The following ENKUR variants were observed in gnomAD, a reference collection of about 807,000 sequenced individuals.
ENKUR encodes the protein enkurin, TRPC channel interacting protein.
Under a neutral mutation model 27.6 loss-of-function variants are expected in ENKUR, and 19 were observed. The observed-to-expected ratio is 0.69, with a 90% confidence interval of 0.48 to 1.01. The LOEUF is 1.01. Ranked by LOEUF, ENKUR falls within the 50% of genes least tolerant of loss-of-function variation. The pLI is 0.00. For missense variants in ENKUR, 312 were observed against 310.5 expected (o/e 1.00, Z -0.04); for synonymous variants, 117 against 96.9 (o/e 1.21, Z -1.22).
chr10:25,040,156 C>T (rs898356180), intron 2 of ENKUR, among the ~76,000 whole-genome samples: 1 of 151,972 alleles, frequency 6.6e-6, no homozygotes, highest in African/African-American at 2.4e-5. Flanking sequence ...TACAAGGCTG[C>T]TTAAGGTATA....
intron 2 of ENKUR, among the ~76,000 whole-genome samples, chr10:25,056,383 T>C (rs1334818595): frequency 2.6e-5 from 4 of 152,200 alleles, no homozygotes; most frequent in Admixed American, 6.5e-5. Flanking sequence ...CAAATTTCTA[T>C]AGAGGGACTA....
chr10:24,988,940 C>T (rs1193866903), intron 4 of ENKUR, among the ~76,000 whole-genome samples: 1 of 151,640 alleles, frequency 6.6e-6, no homozygotes, highest in Admixed American at 6.6e-5. Flanking sequence ...GTTACTATGG[C>T]AGCTCTGCTC....
intron 2 of ENKUR, among the ~76,000 whole-genome samples, chr10:25,060,741 T>G (rs1851317199): frequency 6.6e-6 from 1 of 152,166 alleles, no homozygotes; most frequent in South Asian, 2.1e-4. Flanking sequence ...AGGGTCTTAC[T>G]CTGTTGCCCA....
At chr10:25,018,668 T>G (rs369750411), upstream of ENKUR, among the ~76,000 whole-genome samples, 1,518 of 151,370 alleles carry the variant, frequency 0.01, 22 homozygotes, top group African/African-American at 0.034. Flanking sequence ...TGTTTTTTTT[T>G]TTTTTTTTTT....
intron 2 of ENKUR, among the ~76,000 whole-genome samples, chr10:25,030,710 AT>A (rs1409974469): frequency 6.6e-6 from 1 of 152,130 alleles, no homozygotes; most frequent in African/African-American, 2.4e-5. Context: ...GATAAAACTT[AT>A]TTTTGAATTT....
chr10:25,017,566 G>A (rs4747509), upstream of ENKUR, among the ~76,000 whole-genome samples: 43,715 of 151,236 alleles, frequency 0.29, 6,628 homozygotes, highest in East Asian at 0.5. Context: ...GAATGTGTAG[G>A]TCCTTACTTT....
At chr10:25,060,991 G>A (rs1851319644) in intron 2 of ENKUR, 1 of 908,958 alleles carries the variant, frequency 1.1e-6, no homozygotes, top group Non-Finnish European at 1.7e-6. Context: ...TGGGACTACA[G>A]GCAAGAGCCA....
intron 2 of ENKUR, among the ~76,000 whole-genome samples, chr10:24,998,568 G>A (rs771367371): frequency 2.6e-5 from 4 of 151,480 alleles, no homozygotes; most frequent in African/African-American, 7.3e-5. Flanking sequence ...TTTTTTGTAC[G>A]GACGGGGTCT....
At chr10:25,020,238 A>ATATATC (rs1554772119), upstream of ENKUR, among the ~76,000 whole-genome samples, 23,013 of 126,548 alleles carry the variant, frequency 0.18, 2,031 homozygotes, top group African/African-American at 0.22. Flanking sequence ...TTTCTTTAAA[A>ATATATC]TATATCTATA....
At chr10:25,042,682 A>G (rs2130473531) in intron 2 of ENKUR, among the ~76,000 whole-genome samples, 1 of 152,116 alleles carries the variant, frequency 6.6e-6, no homozygotes, top group African/African-American at 2.4e-5. Context: ...TGACCTGAAA[A>G]CTATACAAAA....
chr10:25,032,588 A>G lies in ENKUR; in HGVS notation c.37+28524T>C, dbSNP rs115069628. ...TTCTATACTCCTTTCCCCCAAACCC[A>G]CCTCCTGGTTCAGAAGTAAATGTTA... is the stretch of plus-strand genomic sequence containing the variant. On this transcript the variant is annotated intron_variant, in intron 2 of 5. Transcript: ENST00000615958. Among the ~76,000 whole-genome samples, 775 of 152,054 alleles carry G rather than the reference A, an allele frequency of 5.1e-3. 5 individuals carry two copies. Among genetic ancestry groups the G allele is most frequent in the African/African-American group, 0.018 (734 of 41,458 alleles).
At chr10:25,035,855 C>T (rs1219826612) in intron 2 of ENKUR, among the ~76,000 whole-genome samples, 1 of 152,176 alleles carries the variant, frequency 6.6e-6, no homozygotes, top group African/African-American at 2.4e-5. Flanking sequence ...CTCTGGACAG[C>T]GTTGAACATA....
intron 2 of ENKUR, among the ~76,000 whole-genome samples, chr10:25,051,565 C>T (rs909120427): frequency 5.3e-5 from 8 of 152,128 alleles, no homozygotes; most frequent in African/African-American, 9.7e-5. Flanking sequence ...AGAGGTGCCA[C>T]GCACTTTTAA....
upstream of ENKUR, among the ~76,000 whole-genome samples, chr10:25,018,102 C>T (rs970514851): frequency 6.6e-6 from 1 of 152,164 alleles, no homozygotes; most frequent in African/African-American, 2.4e-5. Flanking sequence ...TCACTGATGT[C>T]TGTATATTTA....
At chr10:24,985,142 T>A (rs537651464) in intron 4 of ENKUR, among the ~76,000 whole-genome samples, 4 of 152,334 alleles carry the variant, frequency 2.6e-5, no homozygotes, top group Non-Finnish European at 5.9e-5. Flanking sequence ...TTTGCTCTGC[T>A]TTTGTTGTTA....
intron 1 of ENKUR, among the ~76,000 whole-genome samples, chr10:25,010,823 T>C (rs1226243659): frequency 4.4e-4 from 67 of 150,778 alleles, no homozygotes; most frequent in Non-Finnish European, 8.0e-4. Context: ...ATGTGCCACA[T>C]TTTCTTAGTC....
At chr10:25,024,052 T>TGGAAAA in intron 2 of ENKUR, 1 of 1,614,160 alleles carries the variant, frequency 6.2e-7, no homozygotes, top group Non-Finnish European at 8.5e-7. Context: ...AAAATTAAGC[T>TGGAAAA]GCGGGGAGTG....
chr10:25,054,683 ATT>A (rs767687459), intron 2 of ENKUR, among the ~76,000 whole-genome samples: 2 of 136,100 alleles, frequency 1.5e-5, no homozygotes, highest in African/African-American at 2.7e-5. Context: ...TGGGCGATTA[ATT>A]TTTTTTTTTT....
At chr10:25,012,508 C>T (rs1051452378) in intron 1 of ENKUR, among the ~76,000 whole-genome samples, 2 of 152,218 alleles carry the variant, frequency 1.3e-5, no homozygotes, top group Non-Finnish European at 2.9e-5. Flanking sequence ...TAGGATCCCA[C>T]CTCTTGCATC....
Sources: gnomAD v4.1 joint callset for allele counts (sites outside exome capture counted in the v4.1 genomes callset) on GRCh38, gnomAD v4.1.1 for gene constraint, MANE v1.5 for transcripts, NCBI Gene and HGNC (gene_info 2026-07-23, HGNC 2026-07-21) for gene names.